Variants in CHRM3 observed in about 807,000 individuals in gnomAD.
The protein encoded by CHRM3 is muscarinic acetylcholine receptor M3.
In CHRM3, 11 loss-of-function variants were observed where a neutral mutation model predicts 41.8. That is an observed-to-expected ratio of 0.26 (90% CI 0.17 to 0.44). The LOEUF is 0.44. CHRM3 is among the 20% of genes least tolerant of loss of function. CHRM3 has a pLI of 1.00. For missense variants in CHRM3, 571 were observed against 745.4 expected (o/e 0.77, Z 2.72); for synonymous variants, 297 against 301.4 (o/e 0.99, Z 0.15).
intron 5 of CHRM3, among the ~76,000 whole-genome samples, chr1:239,737,067 A>G (rs1664452422): frequency 6.6e-6 from 1 of 152,178 alleles, no homozygotes; most frequent in Non-Finnish European, 1.5e-5. Flanking sequence ...CTAAGTAAGT[A>G]TACATGTGAC....
chr1:239,756,622 AG>A (rs1666263956), intron 5 of CHRM3, among the ~76,000 whole-genome samples: 1 of 152,196 alleles, frequency 6.6e-6, no homozygotes, highest in African/African-American at 2.4e-5. Flanking sequence ...TAAACAATGA[AG>A]GTTCTCCAAA....
chr1:239,868,884 T>C (rs1355438390), intron 6 of CHRM3, among the ~76,000 whole-genome samples: 3 of 152,122 alleles, frequency 2.0e-5, no homozygotes, highest in Non-Finnish European at 2.9e-5. Context: ...GGTTTCAAGA[T>C]TGATAAAATA....
intron 5 of CHRM3, among the ~76,000 whole-genome samples, chr1:239,803,763 G>A (rs549974763): frequency 7.9e-5 from 12 of 152,170 alleles, no homozygotes; most frequent in Non-Finnish European, 1.6e-4. Context: ...AAATGATGCA[G>A]GCAAGCTAAG....
Position 239,662,014 on chromosome 1 carries a change from TA to T in CHRM3, c.-249-16164del, listed in dbSNP as rs539867658. On this transcript the variant is annotated intron_variant, in intron 4 of 6. Coordinates refer to ENST00000676153, the MANE Select transcript of CHRM3 (RefSeq NM_001375978.1). The stretch of plus-strand genomic sequence containing the variant: ...TAAATAAATAATAAAGCCTATTAAT[TA>T]AAAAAAACAGAATAGAATAGAATGT... Among the ~76,000 whole-genome samples, 923 of 151,070 alleles carry T rather than the reference TA, an allele frequency of 6.1e-3. 7 individuals are homozygous for T. The highest frequency in any genetic ancestry group is 7.9e-3 in the Non-Finnish European group (537 of 67,796).
At chr1:239,442,330 C>T (rs1481329505) in intron 1 of CHRM3, among the ~76,000 whole-genome samples, 1 of 152,128 alleles carries the variant, frequency 6.6e-6, no homozygotes, top group Non-Finnish European at 1.5e-5. Flanking sequence ...TGGTCTTGAA[C>T]CCCTGAGCTC....
chr1:239,650,036 G>A (rs192022369), intron 4 of CHRM3, among the ~76,000 whole-genome samples: 24 of 152,266 alleles, frequency 1.6e-4, no homozygotes, highest in Admixed American at 7.2e-4. Flanking sequence ...GACAGCCCTC[G>A]GTGTCCTGGT....
At chr1:239,622,282 CCATT>C (rs1668463325) in intron 3 of CHRM3, among the ~76,000 whole-genome samples, 1 of 152,140 alleles carries the variant, frequency 6.6e-6, no homozygotes, top group Non-Finnish European at 1.5e-5. Flanking sequence ...AATATAACAT[CCATT>C]CTGCAGCCCA....
Position 239,386,741 on chromosome 1 carries a change from G to A in CHRM3, c.-1007G>A, listed in dbSNP as rs1658539077. On this transcript the variant is annotated 5_prime_UTR_variant, in exon 1 of 7. Coordinates refer to ENST00000676153, the MANE Select transcript of CHRM3 (RefSeq NM_001375978.1). ...CGCCTTCTCTCTGCTTTTGGAGAAA[G>A]GGAATACACGATAAAGAAGGAGACG... is the stretch of plus-strand genomic sequence containing the variant. The A allele has an allele frequency of 6.6e-6, 1 of 152,506 alleles. No individual in the cohort carries two copies. Among genetic ancestry groups the A allele is most frequent in the South Asian group, 2.1e-4 (1 of 4,838 alleles). The allele number at this position is 152,506 out of a possible 1,614,324, so 9.4% of individuals were successfully genotyped here.
chr1:239,677,727 C>T (rs928429607), intron 4 of CHRM3, among the ~76,000 whole-genome samples: 1 of 152,238 alleles, frequency 6.6e-6, no homozygotes, highest in African/African-American at 2.4e-5. Flanking sequence ...ACTACTGTGA[C>T]ACTGGCAATT....
chr1:239,546,982 A>G (rs1659360702), intron 3 of CHRM3, among the ~76,000 whole-genome samples: 1 of 152,212 alleles, frequency 6.6e-6, no homozygotes, highest in African/African-American at 2.4e-5. Flanking sequence ...TAATCTTAAC[A>G]AATACATTCA....
At position 239,791,919 on chromosome 1, in the gene CHRM3, C is replaced by T. The variant is rs117439157; in HGVS notation, c.-146-35333C>T. Among the ~76,000 whole-genome samples, 32 of 152,236 alleles carry T rather than the reference C, an allele frequency of 2.1e-4. No individual in the cohort carries two copies. In the East Asian group the frequency reaches 6.2e-3, roughly 29 times the overall value. On this transcript the variant is annotated intron_variant, in intron 5 of 6. Transcript: ENST00000676153. ...GATACAAGACCTACAATAGTGGGTG[C>T]ATGTGTCTGTAAATATACGTATTCA...
chr1:239,897,940 A>G (rs1679149649), intron 6 of CHRM3: 1 of 152,208 alleles, frequency 6.6e-6, no homozygotes, highest in Non-Finnish European at 1.5e-5. Flanking sequence ...CATATTTATC[A>G]AATCAAGTAA....
chr1:239,701,824 C>T (rs149136359), intron 5 of CHRM3, among the ~76,000 whole-genome samples: 12 of 152,276 alleles, frequency 7.9e-5, no homozygotes, highest in African/African-American at 1.7e-4. Context: ...CCCCATTCCT[C>T]GCTCATGCTA....
At position 239,914,677 on chromosome 1, in the gene CHRM3, C is replaced by G. The variant is rs1572674773; in HGVS notation, c.*5453C>G. ...GGGATAATTCTTTTGGAACAGGCTT[C>G]TCGGTTACTTGCCTTAGTAAAAGAA... On this transcript the variant is annotated 3_prime_UTR_variant, in exon 7 of 7. Coordinates refer to ENST00000676153, the MANE Select transcript of CHRM3 (RefSeq NM_001375978.1). 1 of 166,992 alleles carries G rather than the reference C, an allele frequency of 6.0e-6. No individual in the cohort carries two copies. 10.3% of individuals were successfully genotyped at this position (166,992 alleles called of 1,614,324 possible).
At chr1:239,418,353 G>GTA (rs1661671091) in intron 1 of CHRM3, among the ~76,000 whole-genome samples, 1 of 151,942 alleles carries the variant, frequency 6.6e-6, no homozygotes, top group South Asian at 2.1e-4. Context: ...GTGTGTGTGT[G>GTA]TATCTTTAAA....
At chr1:239,903,997 AAAG>A (rs780470455) in intron 6 of CHRM3, among the ~76,000 whole-genome samples, 4 of 152,226 alleles carry the variant, frequency 2.6e-5, no homozygotes, top group Non-Finnish European at 5.9e-5. Context: ...AACAAAGATG[AAAG>A]AAGAAAGAAG....
At chr1:239,488,979 G>A (rs1667377291) in intron 1 of CHRM3, among the ~76,000 whole-genome samples, 1 of 152,102 alleles carries the variant, frequency 6.6e-6, no homozygotes, top group Admixed American at 6.6e-5. Context: ...ATTTATATCT[G>A]TCCATATATT....
At chr1:239,462,422 T>G (rs1179405787) in intron 1 of CHRM3, among the ~76,000 whole-genome samples, 4 of 152,158 alleles carry the variant, frequency 2.6e-5, no homozygotes, top group Admixed American at 2.0e-4. Flanking sequence ...AAAAAAAAAT[T>G]TTTCATATTG....
intron 5 of CHRM3, among the ~76,000 whole-genome samples, chr1:239,751,621 T>C (rs1292754301): frequency 6.6e-6 from 1 of 152,166 alleles, no homozygotes; most frequent in Non-Finnish European, 1.5e-5. Context: ...ACTGCTAATT[T>C]ATGTAAGTAG....
Sources: allele counts gnomAD v4.1 joint callset (sites outside exome capture counted in the v4.1 genomes callset), GRCh38; gene constraint gnomAD v4.1.1; transcripts MANE v1.5; gene names NCBI Gene and HGNC (gene_info 2026-07-23, HGNC 2026-07-21).